The following ERGIC1 variants were observed in gnomAD, a reference collection of about 807,000 sequenced individuals.
ERGIC1 encodes endoplasmic reticulum-Golgi intermediate compartment protein 1.
Under a neutral mutation model 38.3 loss-of-function variants are expected in ERGIC1, and 19 were observed. That is an observed-to-expected ratio of 0.50 (90% CI 0.35 to 0.73). The LOEUF is 0.73. Among genes scored for constraint, ERGIC1 ranks in the 30% least tolerant of loss-of-function variants. The pLI, the probability that ERGIC1 is intolerant of heterozygous loss-of-function variation, is 0.01. For synonymous variants in ERGIC1, 124 were observed against 157.6 expected (o/e 0.79, Z 1.60); for missense variants, 294 against 389.2 (o/e 0.76, Z 2.06).
At chr5:172,867,281 C>T (rs779627197) in intron 1 of ERGIC1, 16 of 425,222 alleles carry the variant, frequency 3.8e-5, no homozygotes, top group South Asian at 2.0e-4. Flanking sequence ...TGGGTACAGG[C>T]GGGGGTGGTG....
intron 1 of ERGIC1, among the ~76,000 whole-genome samples, chr5:172,845,474 A>T (rs1761264169): frequency 6.6e-6 from 1 of 152,184 alleles, no homozygotes; most frequent in African/African-American, 2.4e-5. Flanking sequence ...ACAGACCAGG[A>T]GCAGCTGGGC....
chr5:172,863,970 C>T (rs190072109), intron 1 of ERGIC1, among the ~76,000 whole-genome samples: 38 of 152,162 alleles, frequency 2.5e-4, no homozygotes, highest in South Asian at 4.1e-4. Context: ...CAGAGGCGGG[C>T]GGATCACTTG....
chr5:172,944,823 G>A (rs561730608), intron 9 of ERGIC1, among the ~76,000 whole-genome samples: 12 of 152,192 alleles, frequency 7.9e-5, no homozygotes, highest in Non-Finnish European at 1.8e-4. Flanking sequence ...GCAACTTAGT[G>A]GAGAGGGGCA....
At chr5:172,927,673 G>A (rs1193575835) in intron 7 of ERGIC1, among the ~76,000 whole-genome samples, 4 of 149,860 alleles carry the variant, frequency 2.7e-5, no homozygotes, top group African/African-American at 7.4e-5. Flanking sequence ...TCAGCCTCCC[G>A]GGTTCAAGCA....
chr5:172,873,866 C>T (rs900249957), intron 1 of ERGIC1, among the ~76,000 whole-genome samples: 5 of 152,190 alleles, frequency 3.3e-5, no homozygotes, highest in Non-Finnish European at 5.9e-5. Context: ...TCCCCTTTCC[C>T]GTCCCTCTGT....
chr5:172,906,143 CTGAT>C, intron 3 of ERGIC1: 2 of 456,294 alleles, frequency 4.4e-6, no homozygotes, highest in Non-Finnish European at 8.8e-6. Flanking sequence ...TTGGTGGCCT[CTGAT>C]TGGGGCCAAC....
intron 1 of ERGIC1, among the ~76,000 whole-genome samples, chr5:172,844,818 C>A (rs549149140): frequency 2.0e-5 from 3 of 152,244 alleles, no homozygotes; most frequent in Admixed American, 2.0e-4. Context: ...GGCCCAGGTC[C>A]TTTTGGAGTG....
At chr5:172,935,156 T>G in intron 8 of ERGIC1, 32 bp from the exon 9 acceptor site, 1 of 1,613,782 alleles carries the variant, frequency 6.2e-7, no homozygotes, top group Non-Finnish European at 8.5e-7. Flanking sequence ...AGACACAGTT[T>G]GTACTTCTGA....
chr5:172,937,530 C>T (rs888730972), intron 9 of ERGIC1: 1 of 152,214 alleles, frequency 6.6e-6, no homozygotes, highest in Non-Finnish European at 1.5e-5. Context: ...ATTAGCTAGA[C>T]ATAGTGGTGC....
chr5:172,852,138 G>A (rs1490859731), intron 1 of ERGIC1, among the ~76,000 whole-genome samples: 1 of 152,088 alleles, frequency 6.6e-6, no homozygotes, highest in Non-Finnish European at 1.5e-5. Context: ...TGATTGGGAG[G>A]GAGTGTCAGT....
intron 2 of ERGIC1, among the ~76,000 whole-genome samples, chr5:172,892,594 C>T (rs1441795680): frequency 6.6e-6 from 1 of 152,096 alleles, no homozygotes; most frequent in Admixed American, 6.6e-5. Flanking sequence ...TCCTACTGTC[C>T]GATGCCTGAG....
At chr5:172,907,867 G>C (rs1297449404) in intron 3 of ERGIC1, among the ~76,000 whole-genome samples, 1 of 152,140 alleles carries the variant, frequency 6.6e-6, no homozygotes, top group Non-Finnish European at 1.5e-5. Context: ...GTGTCTATAA[G>C]CTTGAAGAAG....
intron 4 of ERGIC1, among the ~76,000 whole-genome samples, chr5:172,910,291 A>C (rs1235247645): frequency 6.6e-6 from 1 of 151,870 alleles, no homozygotes; most frequent in African/African-American, 2.4e-5. Flanking sequence ...GGGTCATATC[A>C]CCTCCCAAGC....
At chr5:172,865,253 AC>A (rs1244176764) in intron 1 of ERGIC1, among the ~76,000 whole-genome samples, 2 of 151,992 alleles carry the variant, frequency 1.3e-5, no homozygotes, top group African/African-American at 4.8e-5. Context: ...ACTGGGTTTC[AC>A]CATGTTGGCC....
intron 9 of ERGIC1, among the ~76,000 whole-genome samples, chr5:172,949,655 C>CGGGG (rs56358883): frequency 2.4e-4 from 34 of 142,528 alleles, no homozygotes; most frequent in African/African-American, 8.1e-4. Context: ...CACAGCGTGG[C>CGGGG]GGGGGGGGGT....
At chr5:172,944,414 A>G (rs536809156) in intron 9 of ERGIC1, among the ~76,000 whole-genome samples, 2 of 151,350 alleles carry the variant, frequency 1.3e-5, no homozygotes, top group East Asian at 3.9e-4. Flanking sequence ...GCTGGTGTGC[A>G]GTGGCACGAT....
At chr5:172,877,114 C>A (rs1288515311) in intron 1 of ERGIC1, among the ~76,000 whole-genome samples, 2 of 152,056 alleles carry the variant, frequency 1.3e-5, no homozygotes, top group African/African-American at 4.8e-5. Context: ...CAAATTTGTT[C>A]TTTTTCACAG....
At chr5:172,845,852 T>A (rs1761271431) in intron 1 of ERGIC1, among the ~76,000 whole-genome samples, 2 of 152,202 alleles carry the variant, frequency 1.3e-5, no homozygotes, top group African/African-American at 4.8e-5. Context: ...GATGTCCTCA[T>A]GGCACCCCAG....
chr5:172,908,396 G>A (rs1351709539), intron 3 of ERGIC1, among the ~76,000 whole-genome samples: 1 of 142,894 alleles, frequency 7.0e-6, no homozygotes, highest in African/African-American at 2.6e-5. Context: ...TGCCAATATG[G>A]TGAAACCCCA....
Sources: gnomAD v4.1 joint callset for allele counts (sites outside exome capture counted in the v4.1 genomes callset) on GRCh38, gnomAD v4.1.1 for gene constraint, MANE v1.5 for transcripts, NCBI Gene and HGNC (gene_info 2026-07-23, HGNC 2026-07-21) for gene names.